MBD5: variants seen among roughly 807,000 people sequenced by gnomAD.
MBD5 encodes the protein methyl-CpG-binding domain protein 5.
In MBD5, 13 loss-of-function variants were observed where a neutral mutation model predicts 117.3. The ratio of observed to expected loss-of-function variants is 0.11; its 90% CI spans 0.07 to 0.18. The LOEUF is 0.18. Ranked by LOEUF, MBD5 falls within the 10% of genes least tolerant of loss-of-function variation. MBD5 has a pLI of 1.00. For synonymous variants in MBD5, 727 were observed against 766.4 expected (o/e 0.95, Z 0.85); for missense variants, 1,879 against 2,093.8 (o/e 0.90, Z 2.00).
At chr2:148,094,223 G>A (rs1444464280) in intron 1 of MBD5, among the ~76,000 whole-genome samples, 1 of 152,190 alleles carries the variant, frequency 6.6e-6, no homozygotes. Context: ...AGTTCCAACA[G>A]ATTAATTGTA....
intron 1 of MBD5, among the ~76,000 whole-genome samples, chr2:148,042,429 A>G (rs1222658042): frequency 1.3e-5 from 2 of 152,176 alleles, no homozygotes; most frequent in Admixed American, 6.5e-5. Context: ...TGAGTAAGCT[A>G]TAGGGAACTG....
intron 4 of MBD5, among the ~76,000 whole-genome samples, chr2:148,403,480 A>G (rs2105108197): frequency 6.6e-6 from 1 of 152,288 alleles, no homozygotes; most frequent in Non-Finnish European, 1.5e-5. Flanking sequence ...AAGCTCAGCC[A>G]TAATAGCTGT....
At chr2:148,039,165 G>C (rs1694287226) in intron 1 of MBD5, among the ~76,000 whole-genome samples, 1 of 152,102 alleles carries the variant, frequency 6.6e-6, no homozygotes. Flanking sequence ...ATGGTGATGT[G>C]AGCATATTTT....
rs569927349 is a variant in MBD5, at chr2:148,385,617, C to A, written c.-557+43281C>A. Among the ~76,000 whole-genome samples, 233 of 152,124 alleles carry A rather than the reference C, an allele frequency of 1.5e-3. 1 individual carries two copies. The highest frequency in any genetic ancestry group is 1.9e-3 in the Non-Finnish European group (130 of 67,992). On this transcript the variant is annotated intron_variant, in intron 4 of 13. Coordinates refer to ENST00000642680, the MANE Select transcript of MBD5 (RefSeq NM_001378120.1). ...CAGCCATCCCATTACTGGGTATATACCCAGAGGATTATAAATCATGCTGCT... is the reference window on the plus strand; with the variant it reads ...CAGCCATCCCATTACTGGGTATATAACCAGAGGATTATAAATCATGCTGCT...
At chr2:148,104,623 T>G (rs1275577672) in intron 1 of MBD5, among the ~76,000 whole-genome samples, 1 of 152,214 alleles carries the variant, frequency 6.6e-6, no homozygotes, top group Non-Finnish European at 1.5e-5. Flanking sequence ...GCAGTTGTAT[T>G]GTTAATTTTC....
At chr2:148,379,469 A>G (rs1704075343) in intron 4 of MBD5, among the ~76,000 whole-genome samples, 1 of 152,168 alleles carries the variant, frequency 6.6e-6, no homozygotes, top group Admixed American at 6.5e-5. Context: ...TACTATCAAA[A>G]GACATAAACT....
At chr2:148,397,325 C>CTTTTTTT (rs34236548) in intron 4 of MBD5, among the ~76,000 whole-genome samples, 2 of 100,670 alleles carry the variant, frequency 2.0e-5, no homozygotes, top group Non-Finnish European at 3.9e-5. Flanking sequence ...TCTTCTGATC[C>CTTTTTTT]TTTTTTTTTT....
chr2:148,476,904 A>G (rs1024314217), intron 8 of MBD5, among the ~76,000 whole-genome samples: 3 of 152,202 alleles, frequency 2.0e-5, no homozygotes, highest in Admixed American at 2.0e-4. Flanking sequence ...ACTGTAGTGC[A>G]TATTCAGAGA....
At chr2:148,104,595 T>A (rs1696319657) in intron 1 of MBD5, among the ~76,000 whole-genome samples, 1 of 152,196 alleles carries the variant, frequency 6.6e-6, no homozygotes, top group African/African-American at 2.4e-5. Flanking sequence ...GTTTAAAAAT[T>A]TTCAGCATTC....
intron 4 of MBD5, among the ~76,000 whole-genome samples, chr2:148,407,810 T>C (rs1705128650): frequency 1.3e-5 from 2 of 152,200 alleles, no homozygotes; most frequent in Admixed American, 1.3e-4. Context: ...GTTTTTAGTG[T>C]AAAAATTCAT....
chr2:148,066,299 A>G (rs1695190976), intron 1 of MBD5, among the ~76,000 whole-genome samples: 1 of 152,074 alleles, frequency 6.6e-6, no homozygotes, highest in East Asian at 1.9e-4. Context: ...GTGACAAAGC[A>G]AGACCCTGTC....
intron 3 of MBD5, among the ~76,000 whole-genome samples, chr2:148,268,831 T>G (rs1172615243): frequency 6.6e-6 from 1 of 151,998 alleles, no homozygotes; most frequent in African/African-American, 2.4e-5. Context: ...TAAACTCTAC[T>G]TCATCATGTA....
intron 3 of MBD5, among the ~76,000 whole-genome samples, chr2:148,261,685 T>G (rs1273163078): frequency 6.6e-6 from 1 of 152,256 alleles, no homozygotes. Context: ...GTGTATTAAC[T>G]GAAGTAGCAC....
chr2:148,308,488 TTTC>T (rs371818781), intron 3 of MBD5, among the ~76,000 whole-genome samples: 789 of 68,520 alleles, frequency 0.012, 60 homozygotes, highest in Non-Finnish European at 0.019. Context: ...GATGGGGTTC[TTTC>T]TTTTTTTTTT....
intron 4 of MBD5, among the ~76,000 whole-genome samples, chr2:148,355,989 A>G (rs1412186402): frequency 6.6e-6 from 1 of 151,864 alleles, no homozygotes; most frequent in East Asian, 1.9e-4. Flanking sequence ...GTCCTCTCTC[A>G]CTCTCTTGAG....
chr2:148,501,839 T>C (rs1257899843), intron 11 of MBD5, among the ~76,000 whole-genome samples: 1 of 152,156 alleles, frequency 6.6e-6, no homozygotes, highest in East Asian at 1.9e-4. Flanking sequence ...GTGTACTAGG[T>C]CATGATCATT....
At chr2:148,253,888 C>T (rs572747339) in intron 3 of MBD5, among the ~76,000 whole-genome samples, 20 of 152,312 alleles carry the variant, frequency 1.3e-4, no homozygotes, top group African/African-American at 3.1e-4. Flanking sequence ...CATAAATGTG[C>T]GGGGTTGTGC....
At chr2:148,314,620 C>G (rs993599123) in intron 3 of MBD5, among the ~76,000 whole-genome samples, 4 of 152,028 alleles carry the variant, frequency 2.6e-5, no homozygotes, top group Middle Eastern at 3.2e-3. Flanking sequence ...TCAGGTGATC[C>G]ACCCTCCTCG....
At chr2:148,108,807 A>T (rs1696437591) in intron 1 of MBD5, among the ~76,000 whole-genome samples, 1 of 152,204 alleles carries the variant, frequency 6.6e-6, no homozygotes, top group East Asian at 1.9e-4. Flanking sequence ...AAATGCCAAA[A>T]GTAAGGCTAA....
Sources: allele counts gnomAD v4.1 joint callset (sites outside exome capture counted in the v4.1 genomes callset), GRCh38; gene constraint gnomAD v4.1.1; transcripts MANE v1.5; gene names NCBI Gene and HGNC (gene_info 2026-07-23, HGNC 2026-07-21).